The following HUWE1 variants were observed in gnomAD, a reference collection of about 807,000 sequenced individuals.
HUWE1 encodes E3 ubiquitin-protein ligase HUWE1.
In HUWE1, 18 loss-of-function variants were observed where a neutral mutation model predicts 299.4. That is an observed-to-expected ratio of 0.06 (90% confidence interval 0.04 to 0.09). The LOEUF is 0.09. Among genes scored for constraint, HUWE1 ranks in the 10% least tolerant of loss-of-function variants. The pLI is 1.00. For synonymous variants in HUWE1, 1,317 were observed against 1,286.1 expected, an observed-to-expected ratio of 1.02 and a Z score of -0.51; for missense variants, 1,832 against 3,462.3, an observed-to-expected ratio of 0.53 and a Z score of 11.82.
intron 43 of HUWE1, among the ~76,000 whole-genome samples, chrX:53,579,087 C>T (rs1232348461): frequency 1.2e-4 from 10 of 81,788 alleles, no homozygotes; most frequent in East Asian, 8.4e-4. Flanking sequence ...GTCAGCCCTC[C>T]GCCCGGCCAG....
chrX:53,604,932 C>T, intron 25 of HUWE1, 98 bp from the exon 26 acceptor site: 2 of 906,312 alleles, frequency 2.2e-6, no homozygotes, highest in Middle Eastern at 4.0e-4. Context: ...TAAATGGAAG[C>T]CTCTCAGATT....
At chrX:53,650,411 C>A (rs1399244604) in intron 4 of HUWE1, among the ~76,000 whole-genome samples, 1 of 111,967 alleles carries the variant, frequency 8.9e-6, no homozygotes, top group African/African-American at 3.2e-5. Flanking sequence ...TTGTTTCTGA[C>A]TCTCTGGCAC....
chrX:53,648,941 G>A (rs2068272452), intron 4 of HUWE1, among the ~76,000 whole-genome samples: 1 of 112,113 alleles, frequency 8.9e-6, no homozygotes, highest in African/African-American at 3.2e-5. Flanking sequence ...AGGTAACAAG[G>A]AGTGGATTGA....
chrX:53,551,512 A>G (rs1556929060), intron 63 of HUWE1, 32 bp from the exon 64 acceptor site: 1 of 1,119,699 alleles, frequency 8.9e-7, no homozygotes, highest in African/African-American at 1.8e-5. Context: ...AAAGGGATTC[A>G]CGCCTTATTA....
chrX:53,652,172 T>G (rs2073519211), intron 4 of HUWE1, among the ~76,000 whole-genome samples: 1 of 112,205 alleles, frequency 8.9e-6, no homozygotes, highest in Admixed American at 9.4e-5. Flanking sequence ...GCTATTGTCA[T>G]GTCTTTTTAA....
chrX:53,552,369 T>G lies in HUWE1; in HGVS notation c.8823A>C (p.Arg2941=). Residue 2941 remains arginine, a synonymous_variant, in exon 63 of 84, where the codon CGA becomes CGC. Transcript: ENST00000262854. ...SAVAISGADS[R]GILEEPLPST... Reference sequence around the variant, plus strand: ...AAGGCAACGGCTCTTCTAGGATTCCTCGGGAATCTGCTCCAGAAATGGCCA... The same window carrying G: ...AAGGCAACGGCTCTTCTAGGATTCCGCGGGAATCTGCTCCAGAAATGGCCA... 2 of 1,211,198 alleles carry G rather than the reference T, an allele frequency of 1.7e-6. No homozygotes were observed. The highest frequency in any genetic ancestry group is 2.2e-6 in the Non-Finnish European group (2 of 895,098).
chrX:53,647,607 T>A lies in HUWE1; in HGVS notation c.145-33A>T, dbSNP rs782348262. The A allele has an allele frequency of 1.1e-5, 12 of 1,067,539 alleles. No homozygotes were observed. In the East Asian group the frequency reaches 2.4e-4, roughly 21 times the overall value. The allele number at this position is 1,067,539 out of a possible 1,213,427, so 88.0% of individuals were successfully genotyped here. On this transcript the variant is annotated intron_variant, in intron 5 of 83. Transcript: ENST00000262854. ...GGGGAGGAAAAAGAGGATGTAAGAATAAGGTAGAAGCGCCGCATGGGTGCT... is the reference window on the plus strand; with the variant it reads ...GGGGAGGAAAAAGAGGATGTAAGAAAAAGGTAGAAGCGCCGCATGGGTGCT...
At chrX:53,533,963 C>G (rs782585984) in intron 83 of HUWE1, 44 bp downstream of exon 83, 1 of 1,150,459 alleles carries the variant, frequency 8.7e-7, no homozygotes, top group Non-Finnish European at 1.2e-6. Context: ...AGTATGCAAG[C>G]TCAACCTAAG....
At chrX:53,659,458 G>A (rs1232754935) in intron 3 of HUWE1, among the ~76,000 whole-genome samples, 1 of 111,966 alleles carries the variant, frequency 8.9e-6, no homozygotes, top group African/African-American at 3.2e-5. Flanking sequence ...GCTACATACT[G>A]TATGATTCCA....
intron 72 of HUWE1, 143 bp downstream of exon 72, chrX:53,544,417 T>C: frequency 1.9e-6 from 1 of 523,382 alleles, no homozygotes; most frequent in Non-Finnish European, 3.3e-6. Flanking sequence ...AATGCAGCCA[T>C]CAACATTCTG....
chrX:53,554,916 C>T lies in HUWE1; in HGVS notation c.8211G>A (p.Gly2737=). 8.6e-7 allele frequency: 1 copy of T among 1,164,771 alleles called. No individual in the cohort carries two copies. Among genetic ancestry groups the T allele is most frequent in the Non-Finnish European group, 1.1e-6 (1 of 870,536 alleles). ...TTGGGTAGCTGTCAGGCATAGGCGT[C>T]CCATCTTTCTCGGAAAGAACAATAA... The part of the protein sequence containing the change: ...NDSTEQNLSD[G]TPMPDSYPTT... The change falls in exon 61 of 84, where the codon GGG becomes GGA. Residue 2737 remains glycine, a synonymous_variant. Transcript: ENST00000262854.
intron 23 of HUWE1, among the ~76,000 whole-genome samples, chrX:53,611,275 A>C (rs1259278761): frequency 9.1e-6 from 1 of 110,486 alleles, no homozygotes. Context: ...AAAATGGATA[A>C]TCACTATACA....
chrX:53,669,220 T>A (rs1557048574), intron 3 of HUWE1, among the ~76,000 whole-genome samples: 1 of 112,217 alleles, frequency 8.9e-6, no homozygotes, highest in Non-Finnish European at 1.9e-5. Flanking sequence ...GATAAGAAAG[T>A]TGTAAAACAA....
chrX:53,608,474 T>C (rs782351272), intron 24 of HUWE1, among the ~76,000 whole-genome samples: 11 of 112,296 alleles, frequency 9.8e-5, no homozygotes, highest in African/African-American at 1.3e-4. Flanking sequence ...CAGTACAGGC[T>C]GAAAATGCTC....
In HUWE1 at chrX:53,631,049, G is replaced by C. The variant is rs782190653; in HGVS notation, c.763-15C>G. ...AATAACAGCATCTGTAGAGAGATAA[G>C]ACATACATTTTAAAAACATCAATGA... is the stretch of plus-strand genomic sequence containing the variant. On this transcript the variant is annotated splice_polypyrimidine_tract_variant and intron_variant, in intron 11 of 83. Transcript: ENST00000262854. The C allele has an allele frequency of 1.0e-5, 10 of 987,762 alleles. No homozygotes were observed. Among genetic ancestry groups the C allele is most frequent in the Non-Finnish European group, 1.3e-5 (9 of 692,568 alleles). The allele number at this position is 987,762 out of a possible 1,213,427, so 81.4% of individuals were successfully genotyped here. A position where few individuals can be genotyped will look rare whatever the true frequency, so the allele number is the denominator to read the frequency against.
chrX:53,558,883 C>T, intron 58 of HUWE1, 74 bp from the exon 59 acceptor site: 5 of 1,178,493 alleles, frequency 4.2e-6, no homozygotes, highest in Non-Finnish European at 5.8e-6. Flanking sequence ...GAGCTTGTAG[C>T]CACAGAGAAC....
At chrX:53,557,158 C>G (rs782236046) in intron 60 of HUWE1, 2 of 529,484 alleles carry the variant, frequency 3.8e-6, no homozygotes, top group Admixed American at 2.4e-5. Flanking sequence ...GAACAAGAAC[C>G]TGAACAGAGC....
chrX:53,535,505 G>C lies in HUWE1; in HGVS notation c.12532-4C>G, dbSNP rs782268183. ...CACAAACTCCAAACTCTTGGACCTA[G>C]AACAACCAAAACACCAATCATACAT... On this transcript the variant is annotated splice_polypyrimidine_tract_variant and splice_region_variant and intron_variant, in intron 80 of 83. Transcript: ENST00000262854. 7.9e-6 allele frequency: 9 copies of C among 1,133,845 alleles called. No individual in the cohort carries two copies. Among genetic ancestry groups the C allele is most frequent in the South Asian group, 3.6e-5 (2 of 55,084 alleles). The allele number at this position is 1,133,845 out of a possible 1,213,427, so 93.4% of individuals were successfully genotyped here.
rs1556975175 is a variant in HUWE1 at position 53,588,365 on chromosome X, A to C, written c.4614+17T>G. 1 of 1,202,133 alleles carries C rather than the reference A, an allele frequency of 8.3e-7. No homozygotes were observed. The highest frequency in any genetic ancestry group is 3.0e-5 in the East Asian group (1 of 33,708). On this transcript the variant is annotated intron_variant, in intron 37 of 83. Transcript: ENST00000262854. The stretch of plus-strand genomic sequence containing the variant: ...TTTCATGAATGAATTACAAGGCCCC[A>C]AAGATCTAAATCTTACCTCAAAAAG...
Sources: allele counts gnomAD v4.1 joint callset (sites outside exome capture counted in the v4.1 genomes callset), GRCh38; gene constraint gnomAD v4.1.1; transcripts MANE v1.5; gene names NCBI Gene and HGNC (gene_info 2026-07-23, HGNC 2026-07-21).